TRIT1: variants seen among roughly 807,000 people sequenced by gnomAD.
TRIT1 encodes tRNA dimethylallyltransferase.
Under a neutral mutation model 51.2 loss-of-function variants are expected in TRIT1, and 43 were observed. The ratio of observed to expected loss-of-function variants is 0.84; its 90% confidence interval spans 0.66 to 1.08. The LOEUF is 1.08. Ranked by LOEUF, TRIT1 falls within the 50% of genes least tolerant of loss-of-function variation. The probability of loss-of-function intolerance (pLI) is 0.00; values close to 1 mark genes in which losing one functional copy is unlikely to be tolerated. For missense variants in TRIT1, 528 were observed against 578.4 expected, an observed-to-expected ratio of 0.91 and a Z score of 0.89; for synonymous variants, 184 against 203.9, an observed-to-expected ratio of 0.90 and a Z score of 0.83.
chr1:39,851,701 G>A (rs189984306), intron 4 of TRIT1, among the ~76,000 whole-genome samples: 42 of 152,110 alleles, frequency 2.8e-4, no homozygotes, highest in African/African-American at 8.9e-4. Context: ...CCAGCACTTC[G>A]GTAGGCTGAG....
intron 1 of TRIT1, among the ~76,000 whole-genome samples, chr1:39,871,311 G>T (rs1643876822): frequency 6.6e-6 from 1 of 152,222 alleles, no homozygotes; most frequent in Admixed American, 6.5e-5. Context: ...GTATTTTGCT[G>T]GCCAGGTGCA....
At chr1:39,849,968 C>A in intron 5 of TRIT1, 151 bp downstream of exon 5, 1 of 832,238 alleles carries the variant, frequency 1.2e-6, no homozygotes, top group Non-Finnish European at 1.8e-6. Context: ...GTGCCTAAGC[C>A]AACAAATAAT....
At chr1:39,871,579 C>CCAAT (rs907719605) in intron 1 of TRIT1, among the ~76,000 whole-genome samples, 2 of 152,154 alleles carry the variant, frequency 1.3e-5, no homozygotes, top group Admixed American at 6.6e-5. Flanking sequence ...GACCCTGTCT[C>CCAAT]CAATCAATCA....
intron 1 of TRIT1, among the ~76,000 whole-genome samples, chr1:39,874,783 A>C (rs1643995330): frequency 6.6e-6 from 1 of 151,308 alleles, no homozygotes; most frequent in East Asian, 2.0e-4. Flanking sequence ...CTCCTGCCTT[A>C]GTCTCCTGAG....
rs1642637666 is a variant in TRIT1 at position 39,852,491 on chromosome 1, C to T, written c.560+240G>A. The stretch of plus-strand genomic sequence containing the variant: ...AGAAAATGAAGCAACATTATATAGG[C>T]CCTAGGGGAAAACGATATTGTACTA... On this transcript the variant is annotated intron_variant, in intron 4 of 10. Coordinates refer to ENST00000316891, the MANE Select transcript of TRIT1 (RefSeq NM_017646.6). 8.4e-6 allele frequency: 4 copies of T among 477,330 alleles called. No homozygotes were observed. In the Admixed American group the frequency reaches 1.1e-4, roughly 14 times the overall value. The allele number at this position is 477,330 out of a possible 1,614,324, so 29.6% of individuals were successfully genotyped here. A position where few individuals can be genotyped will look rare whatever the true frequency, so the allele number is the denominator to read the frequency against.
intron 1 of TRIT1, among the ~76,000 whole-genome samples, chr1:39,879,733 T>C (rs960675715): frequency 6.6e-6 from 1 of 151,024 alleles, no homozygotes; most frequent in Non-Finnish European, 1.5e-5. Flanking sequence ...ATTAGCCAGG[T>C]GCAGTGGTAC....
intron 1 of TRIT1, among the ~76,000 whole-genome samples, chr1:39,858,206 T>C (rs765442797): frequency 5.9e-5 from 9 of 152,224 alleles, no homozygotes; most frequent in Non-Finnish European, 1.2e-4. Context: ...GAGCACTGAA[T>C]GAACAAATAA....
chr1:39,846,289 G>A (rs568516786), intron 8 of TRIT1, among the ~76,000 whole-genome samples: 68 of 152,200 alleles, frequency 4.5e-4, no homozygotes, highest in Non-Finnish European at 8.7e-4. Flanking sequence ...ACCGAGTGGG[G>A]CAGAGGCTTC....
At chr1:39,848,173 G>A in intron 5 of TRIT1, 76 bp from the exon 6 acceptor site, 5 of 1,054,762 alleles carry the variant, frequency 4.7e-6, no homozygotes, top group Admixed American at 2.0e-5. Flanking sequence ...GAGTGAACAG[G>A]TGGTCACAAA....
chr1:39,868,497 A>T (rs2124656361), intron 1 of TRIT1, among the ~76,000 whole-genome samples: 1 of 152,202 alleles, frequency 6.6e-6, no homozygotes, highest in South Asian at 2.1e-4. Context: ...ACAAAAAATT[A>T]GCCAGGCGTG....
chr1:39,848,245 A>G, intron 5 of TRIT1, 148 bp from the exon 6 acceptor site: 1 of 631,104 alleles, frequency 1.6e-6, no homozygotes, highest in East Asian at 2.8e-5. Flanking sequence ...ATAATAATTC[A>G]TACGTTACTC....
chr1:39,882,550 G>A (rs1206548810), intron 1 of TRIT1, among the ~76,000 whole-genome samples: 5 of 152,242 alleles, frequency 3.3e-5, no homozygotes, highest in African/African-American at 9.6e-5. Flanking sequence ...CACCCCTTCT[G>A]GGCCTCCCAG....
intron 8 of TRIT1, 171 bp downstream of exon 8, chr1:39,847,049 C>A: frequency 1.1e-5 from 6 of 528,788 alleles, no homozygotes; most frequent in African/African-American, 2.0e-5. Flanking sequence ...TTTTTTGTGA[C>A]ATCCCAAGAA....
intron 1 of TRIT1, among the ~76,000 whole-genome samples, chr1:39,858,440 G>A (rs755851849): frequency 6.6e-6 from 1 of 152,128 alleles, no homozygotes; most frequent in Non-Finnish European, 1.5e-5. Flanking sequence ...TCAGTAAAAT[G>A]AAAATAATAA....
chr1:39,877,328 T>TAAAAAAAA (rs57539376), intron 1 of TRIT1, among the ~76,000 whole-genome samples: 8 of 113,068 alleles, frequency 7.1e-5, no homozygotes, highest in Admixed American at 1.9e-4. Context: ...GTGCTTCTAT[T>TAAAAAAAA]AAAAAAAAAA....
chr1:39,881,035 T>G (rs745411347), intron 1 of TRIT1, among the ~76,000 whole-genome samples: 6 of 151,700 alleles, frequency 4.0e-5, no homozygotes, highest in African/African-American at 7.3e-5. Flanking sequence ...CTGGCCAACA[T>G]GGCGAAACTC....
At chr1:39,859,734 C>T (rs1570051535) in intron 1 of TRIT1, among the ~76,000 whole-genome samples, 1 of 152,206 alleles carries the variant, frequency 6.6e-6, no homozygotes, top group South Asian at 2.1e-4. Context: ...TTTTAAAGAG[C>T]TCACATAGCA....
At chr1:39,867,419 A>T (rs1006180823) in intron 1 of TRIT1, among the ~76,000 whole-genome samples, 2 of 152,240 alleles carry the variant, frequency 1.3e-5, no homozygotes, top group Admixed American at 1.3e-4. Context: ...TGCTGGGATT[A>T]CAGGGGTGAG....
At chr1:39,842,871 G>A (rs942076684) in intron 10 of TRIT1, among the ~76,000 whole-genome samples, 1 of 152,024 alleles carries the variant, frequency 6.6e-6, no homozygotes, top group Non-Finnish European at 1.5e-5. Flanking sequence ...TAGAGCCTAA[G>A]GCAAAAAACG....
Sources: allele counts gnomAD v4.1 joint callset (sites outside exome capture counted in the v4.1 genomes callset), GRCh38; gene constraint gnomAD v4.1.1; transcripts MANE v1.5; gene names NCBI Gene and HGNC (gene_info 2026-07-23, HGNC 2026-07-21).